The following POPDC3 variants were observed in gnomAD, a reference collection of about 807,000 sequenced individuals.
POPDC3 encodes popeye domain-containing protein 3.
In POPDC3, 20 loss-of-function variants were observed where a neutral mutation model predicts 28.2. That is an observed-to-expected ratio of 0.71 (90% CI 0.50 to 1.03). The LOEUF is 1.03. Ranked by LOEUF, POPDC3 falls within the 50% of genes least tolerant of loss-of-function variation. The pLI is 0.00. For synonymous variants in POPDC3, 118 were observed against 124.1 expected, an observed-to-expected ratio of 0.95 and a Z score of 0.33; for missense variants, 316 against 345.9, an observed-to-expected ratio of 0.91 and a Z score of 0.69.
chr6:105,171,035 T>C (rs542325539), intron 1 of POPDC3, among the ~76,000 whole-genome samples: 1 of 152,316 alleles, frequency 6.6e-6, no homozygotes, highest in Admixed American at 6.5e-5. Flanking sequence ...ATAGGAAAGT[T>C]CACAAGTGTG....
At position 105,158,292 on chromosome 6, in the gene POPDC3, T is replaced by G. The variant is rs1774226594; in HGVS notation, c.*178A>C. On this transcript the variant is annotated 3_prime_UTR_variant, in exon 4 of 4. Coordinates refer to ENST00000254765, the MANE Select transcript of POPDC3 (RefSeq NM_022361.5). ...TAACAATGAGAAATACAAGAAAAATTTGTAAAGTTTATTCACAATGCAGTT... is the reference window on the plus strand; with the variant it reads ...TAACAATGAGAAATACAAGAAAAATGTGTAAAGTTTATTCACAATGCAGTT... 1 of 530,044 alleles carries G rather than the reference T, an allele frequency of 1.9e-6. No individual in the cohort carries two copies. The highest frequency in any genetic ancestry group is 4.1e-5 in the South Asian group (1 of 24,164). 32.8% of individuals were successfully genotyped at this position (530,044 alleles called of 1,614,324 possible).
chr6:105,160,297 C>T (rs1774293204), intron 2 of POPDC3, among the ~76,000 whole-genome samples: 1 of 152,140 alleles, frequency 6.6e-6, no homozygotes, highest in Non-Finnish European at 1.5e-5. Flanking sequence ...CTGCAACCTC[C>T]TCCTCCCAGG....
chr6:105,164,869 A>G (rs1012381580), intron 1 of POPDC3, among the ~76,000 whole-genome samples: 1 of 152,234 alleles, frequency 6.6e-6, no homozygotes, highest in Non-Finnish European at 1.5e-5. Flanking sequence ...TTTCTCTTTA[A>G]ATTGTTAAGA....
At chr6:105,170,503 T>A (rs1028113555) in intron 1 of POPDC3, among the ~76,000 whole-genome samples, 1 of 152,242 alleles carries the variant, frequency 6.6e-6, no homozygotes, top group African/African-American at 2.4e-5. Flanking sequence ...CTTTTCTTTT[T>A]TTCTGGCTAA....
chr6:105,169,814 A>G (rs1439857767), intron 1 of POPDC3: 1 of 152,172 alleles, frequency 6.6e-6, no homozygotes, highest in Non-Finnish European at 1.5e-5. Flanking sequence ...TTGGTTGCCT[A>G]GGGAAACACG....
Position 105,161,828 on chromosome 6 carries a change from C to T in POPDC3, c.82G>A (p.Ala28Thr), listed in dbSNP as rs201181315. 1.2e-6 allele frequency: 2 copies of T among 1,614,186 alleles called. No homozygotes were observed. The highest frequency in any genetic ancestry group is 3.3e-5 in the Admixed American group (2 of 60,026). Residue 28 changes from alanine (A) to threonine (T), a missense_variant, in exon 2 of 4, where the codon GCC (alanine) becomes ACC (threonine). Transcript: ENST00000254765. ...CTTWKQEAEGAIYHLASILFV... is the reference protein window; with the variant it reads ...CTTWKQEAEGTIYHLASILFV... ...AAAATACTGGCAAGATGATAAATGG[C>T]TCCTTCGGCCTCTTGCTTCCAGGTT...
chr6:105,164,854 GT>G (rs1359948612), intron 1 of POPDC3, among the ~76,000 whole-genome samples: 2 of 152,272 alleles, frequency 1.3e-5, no homozygotes, highest in South Asian at 2.1e-4. Context: ...GCTCATCTGG[GT>G]TTTTTTCTCT....
At chr6:105,159,202 CTG>C (rs1316910376) in intron 3 of POPDC3, among the ~76,000 whole-genome samples, 1 of 152,142 alleles carries the variant, frequency 6.6e-6, no homozygotes, top group Non-Finnish European at 1.5e-5. Flanking sequence ...TGTTAGAAAA[CTG>C]TGTAACAAAA....
chr6:105,165,208 G>C (rs978445257), intron 1 of POPDC3, among the ~76,000 whole-genome samples: 4 of 152,126 alleles, frequency 2.6e-5, no homozygotes, highest in Non-Finnish European at 5.9e-5. Flanking sequence ...TAATGTTTTG[G>C]GGAACCCAAG....
At chr6:105,174,085 A>G (rs1309496548) in intron 1 of POPDC3, among the ~76,000 whole-genome samples, 2 of 152,244 alleles carry the variant, frequency 1.3e-5, no homozygotes, top group Non-Finnish European at 2.9e-5. Context: ...CTTGTTGCCC[A>G]GGCTGGAGTG....
At position 105,162,124 on chromosome 6, in the gene POPDC3, C is replaced by T; in HGVS notation, c.-215G>A. The T allele has an allele frequency of 7.8e-7, 1 of 1,290,134 alleles. No homozygotes were observed. The highest frequency in any genetic ancestry group is 3.0e-5 in the South Asian group (1 of 33,060). 79.9% of individuals were successfully genotyped at this position (1,290,134 alleles called of 1,614,324 possible). A position where few individuals can be genotyped will look rare whatever the true frequency, so the allele number is the denominator to read the frequency against. On this transcript the variant is annotated 5_prime_UTR_variant, in exon 2 of 4. Transcript: ENST00000254765. ...CGCTTCTTTAAGTTCATCTGGGCTC[C>T]TGATTTGGATCCAGTCTGCAAATAT... is the stretch of plus-strand genomic sequence containing the variant.
At chr6:105,175,375 CAA>C (rs60678447) in intron 1 of POPDC3, among the ~76,000 whole-genome samples, 1,330 of 99,038 alleles carry the variant, frequency 0.013, 26 homozygotes, top group African/African-American at 0.054. Flanking sequence ...CCTAACTCTC[CAA>C]AAAAAAAAAA....
Position 105,178,890 on chromosome 6 carries a change from T to TA in POPDC3, c.-252+942dup, listed in dbSNP as rs1345085884. The TA allele has an allele frequency of 1.6e-5, 16 of 985,348 alleles. No individual in the cohort carries two copies. The African/African-American group carries it at 2.8e-4, about 17-fold the overall frequency. 61.0% of individuals were successfully genotyped at this position (985,348 alleles called of 1,614,324 possible). A position where few individuals can be genotyped will look rare whatever the true frequency, so the allele number is the denominator to read the frequency against. ...CAACAATAATTTTTTAAGGCTGCTA[T>TA]AAAACTCAATTGCAGTTTGTAGGCT... On this transcript the variant is annotated intron_variant, in intron 1 of 3. Coordinates refer to ENST00000254765, the MANE Select transcript of POPDC3 (RefSeq NM_022361.5).
Position 105,161,720 on chromosome 6 carries a change from A to G in POPDC3, c.190T>C (p.Ser64Pro). The change falls in exon 2 of 4, where the codon TCT becomes CCT. Residue 64 changes from serine to proline, a missense_variant. Transcript: ENST00000254765. ...ACATCTACCCAAGCCCAGACAGCAG[A>G]ACAGAGAAAACCCAACCCCAGCAAA... ...FSLLGLGFLCSAVWAWVDVCA... is the reference protein window; with the variant it reads ...FSLLGLGFLCPAVWAWVDVCA... 6.2e-7 allele frequency: 1 copy of G among 1,614,216 alleles called. No individual in the cohort carries two copies. Among genetic ancestry groups the G allele is most frequent in the Non-Finnish European group, 8.5e-7 (1 of 1,180,042 alleles).
At chr6:105,160,659 C>G (rs1329373432) in intron 2 of POPDC3, among the ~76,000 whole-genome samples, 1 of 152,162 alleles carries the variant, frequency 6.6e-6, no homozygotes, top group East Asian at 1.9e-4. Flanking sequence ...GTGGCGCGAT[C>G]TCAGCTCACT....
chr6:105,162,749 T>C (rs1249575196), intron 1 of POPDC3, among the ~76,000 whole-genome samples: 1 of 152,172 alleles, frequency 6.6e-6, no homozygotes, highest in Non-Finnish European at 1.5e-5. Flanking sequence ...ATATATATAT[T>C]TGCAGATTCA....
chr6:105,163,996 G>A (rs185061472), intron 1 of POPDC3, among the ~76,000 whole-genome samples: 69 of 152,090 alleles, frequency 4.5e-4, no homozygotes, highest in African/African-American at 1.6e-3. Context: ...TTATTCTACT[G>A]GGTATTACAA....
At chr6:105,159,258 C>T (rs1325183333) in intron 3 of POPDC3, among the ~76,000 whole-genome samples, 8 of 152,134 alleles carry the variant, frequency 5.3e-5, no homozygotes, top group African/African-American at 1.4e-4. Context: ...AACTGCCAGA[C>T]GTGGCAGCAG....
chr6:105,159,204 G>A (rs1225827285), intron 3 of POPDC3, among the ~76,000 whole-genome samples: 1 of 152,196 alleles, frequency 6.6e-6, no homozygotes, highest in Non-Finnish European at 1.5e-5. Context: ...TTAGAAAACT[G>A]TGTAACAAAA....
Sources: allele counts gnomAD v4.1 joint callset (sites outside exome capture counted in the v4.1 genomes callset), GRCh38; gene constraint gnomAD v4.1.1; transcripts MANE v1.5; gene names NCBI Gene and HGNC (gene_info 2026-07-23, HGNC 2026-07-21).